The following ZSCAN29 variants were observed in gnomAD, a reference collection of about 807,000 sequenced individuals.
The protein encoded by ZSCAN29 is zinc finger and SCAN domain containing 29, also known as zinc finger and SCAN domain-containing protein 29.
Under a neutral mutation model 71.9 loss-of-function variants are expected in ZSCAN29, and 55 were observed. The ratio of observed to expected loss-of-function variants is 0.76; its 90% CI spans 0.62 to 0.96. ZSCAN29 has a LOEUF of 0.96. ZSCAN29 is among the 40% of genes least tolerant of loss of function. The probability of loss-of-function intolerance (pLI) is 0.00; values close to 1 mark genes in which losing one functional copy is unlikely to be tolerated. For synonymous variants in ZSCAN29, 351 were observed against 371.6 expected, an observed-to-expected ratio of 0.94 and a Z score of 0.64; for missense variants, 1,042 against 1,042.2, an observed-to-expected ratio of 1.00 and a Z score of 0.00.
Position 43,359,336 on chromosome 15 carries a change from G to A in ZSCAN29, c.*1737C>T, listed in dbSNP as rs950623236. 6.6e-6 allele frequency: 1 copy of A among 152,234 alleles called. No individual in the cohort carries two copies. The highest frequency in any genetic ancestry group is 1.5e-5 in the Non-Finnish European group (1 of 68,046). 9.4% of individuals were successfully genotyped at this position (152,234 alleles called of 1,614,324 possible). ...CTGCTTTAGATTGTAAGGACAAGGA[G>A]AGGACCTGTTGACCTTGTGCTATAC... On this transcript the variant is annotated 3_prime_UTR_variant, in exon 6 of 6. Transcript: ENST00000684362.
chr15:43,366,058 C>A, intron 4 of ZSCAN29, 52 bp downstream of exon 4: 1 of 1,530,920 alleles, frequency 6.5e-7, no homozygotes, highest in Non-Finnish European at 8.8e-7. Flanking sequence ...CACATCCAGT[C>A]TCTTTGTTCC....
chr15:43,362,668 G>C (rs1026634699), intron 5 of ZSCAN29, among the ~76,000 whole-genome samples: 2 of 152,140 alleles, frequency 1.3e-5, no homozygotes, highest in African/African-American at 4.8e-5. Context: ...CTACCCAGAA[G>C]CCTAGTCTTA....
In ZSCAN29 at chr15:43,358,361, C is replaced by T. The variant is rs1444108771; in HGVS notation, c.*2712G>A. 6.9e-6 allele frequency: 1 copy of T among 145,752 alleles called. No homozygotes were observed. Among genetic ancestry groups the T allele is most frequent in the East Asian group, 2.0e-4 (1 of 5,042 alleles). The allele number at this position is 145,752 out of a possible 1,614,324, so 9.0% of individuals were successfully genotyped here. A position where few individuals can be genotyped will look rare whatever the true frequency, so the allele number is the denominator to read the frequency against. On this transcript the variant is annotated 3_prime_UTR_variant, in exon 6 of 6. Transcript: ENST00000684362. ...ATACATAGATATACTAAAGACAATA[C>T]TTTTTTTTTTTTTTGACATTACAGC...
At chr15:43,366,876 A>G in intron 3 of ZSCAN29, 68 bp from the exon 4 acceptor site, 1 of 1,418,336 alleles carries the variant, frequency 7.1e-7, no homozygotes, top group Non-Finnish European at 9.6e-7. Flanking sequence ...CTTGAAATTC[A>G]GTCCTGCCTT....
In ZSCAN29 at chr15:43,358,463, A is replaced by C. The variant is rs545791945; in HGVS notation, c.*2610T>G. On this transcript the variant is annotated 3_prime_UTR_variant, in exon 6 of 6. Coordinates refer to ENST00000684362, the MANE Select transcript of ZSCAN29 (RefSeq NM_001372080.1). ...CTTGTAGCTTCCTGTCTGCTTAGGCAACATAACAGAAGTACCATCTTCCCT... is the reference window on the plus strand; with the variant it reads ...CTTGTAGCTTCCTGTCTGCTTAGGCCACATAACAGAAGTACCATCTTCCCT... 53 of 152,282 alleles carry C rather than the reference A, an allele frequency of 3.5e-4. No individual in the cohort carries two copies. Among genetic ancestry groups the C allele is most frequent in the African/African-American group, 1.2e-3 (48 of 41,552 alleles). The allele number at this position is 152,282 out of a possible 1,614,324, so 9.4% of individuals were successfully genotyped here.
intron 5 of ZSCAN29, chr15:43,363,686 A>C: frequency 8.9e-6 from 4 of 449,854 alleles, no homozygotes; most frequent in Non-Finnish European, 1.2e-5. Context: ...ATCACAGCAA[A>C]TTTACAATGT....
At position 43,364,351 on chromosome 15, in the gene ZSCAN29, A is replaced by G; in HGVS notation, c.1254T>C (p.Thr418=). Residue 418 remains threonine (T), a synonymous_variant, in exon 5 of 6, where the codon ACT becomes ACC. Coordinates refer to ENST00000684362, the MANE Select transcript of ZSCAN29 (RefSeq NM_001372080.1). ...GVHWGYEETK[T]YLAILSETQF... ...GGGTCTCACTAAGAATTGCAAGGTA[A>G]GTCTTGGTCTCTTCATAGCCCCAGT... The G allele has an allele frequency of 6.2e-7, 1 of 1,614,126 alleles. No homozygotes were observed. Among genetic ancestry groups the G allele is most frequent in the Non-Finnish European group, 8.5e-7 (1 of 1,180,030 alleles).
At chr15:43,365,886 CTG>C (rs547997901) in intron 4 of ZSCAN29, among the ~76,000 whole-genome samples, 17 of 152,296 alleles carry the variant, frequency 1.1e-4, no homozygotes, top group Admixed American at 2.0e-4. Context: ...CTTCTCAGGA[CTG>C]TGAATTTTCT....
At position 43,363,977 on chromosome 15, in the gene ZSCAN29, T is replaced by A; in HGVS notation, c.1628A>T (p.Asp543Val). The A allele has an allele frequency of 6.2e-7, 1 of 1,614,200 alleles. No individual in the cohort carries two copies. Among genetic ancestry groups the A allele is most frequent in the South Asian group, 1.1e-5 (1 of 91,086 alleles). The part of the protein sequence containing the change: ...TEEDSDDDEE[D>V]TEIPPGAVIT... ...GACAGCCCCTGGGGGTATCTCAGTA[T>A]CCTCTTCATCATCATCAGAATCTTC... The change falls in exon 5 of 6, where the codon GAT becomes GTT. Residue 543 changes from aspartate to valine, a missense_variant. Asp to Val is a radical substitution (Grantham distance 152). Transcript: ENST00000684362.
In ZSCAN29 at chr15:43,361,797, C is replaced by T. The variant is rs780048155; in HGVS notation, c.1835G>A (p.Arg612Lys). 6.2e-7 allele frequency: 1 copy of T among 1,614,236 alleles called. No individual in the cohort carries two copies. ...HQGKGNESDC[R>K]SGRQWAKTSG... ...GGTCTTTGCCCACTGTCTTCCTGATCTACAGTCACTCTCATTGCCTTTACC... is the reference window on the plus strand; with the variant it reads ...GGTCTTTGCCCACTGTCTTCCTGATTTACAGTCACTCTCATTGCCTTTACC... Residue 612 changes from arginine (R) to lysine (K), a missense_variant, in exon 6 of 6, where the codon AGA becomes AAA. Physicochemically the swap from Arg to Lys is conservative, Grantham distance 26. Coordinates refer to ENST00000684362, the MANE Select transcript of ZSCAN29 (RefSeq NM_001372080.1).
intron 2 of ZSCAN29, 131 bp downstream of exon 2, chr15:43,369,465 T>G: frequency 9.8e-7 from 1 of 1,017,924 alleles, no homozygotes; most frequent in Non-Finnish European, 1.4e-6. Flanking sequence ...TCTGAAAAAG[T>G]TACCTATACC....
rs2044104566 is a variant in ZSCAN29 at position 43,370,985 on chromosome 15, C to CGGCCCCGGCCCCGGCCCT, written c.-541_-540insAGGGCCGGGGCCGGGGCC. The CGGCCCCGGCCCCGGCCCT allele has an allele frequency of 3.2e-6, 1 of 316,686 alleles. No homozygotes were observed. The highest frequency in any genetic ancestry group is 7.9e-5 in the East Asian group (1 of 12,714). The allele number at this position is 316,686 out of a possible 1,614,324, so 19.6% of individuals were successfully genotyped here. A position where few individuals can be genotyped will look rare whatever the true frequency, so the allele number is the denominator to read the frequency against. On this transcript the variant is annotated 5_prime_UTR_variant, in exon 1 of 6. Transcript: ENST00000684362. Reference sequence around the variant, plus strand: ...CGGGGTCCGACCCTGACCCCGGCCCCGGCCCCGGCCCCGGCCCCGGCTCTC... The same window carrying CGGCCCCGGCCCCGGCCCT: ...CGGGGTCCGACCCTGACCCCGGCCCCGGCCCCGGCCCCGGCCCTGGCCCCGGCCCCGGCCCCGGCTCTC...
Position 43,361,514 on chromosome 15 carries a change from A to G in ZSCAN29, c.2118T>C (p.Tyr706=), listed in dbSNP as rs147113942. Residue 706 remains tyrosine (Y), a synonymous_variant, in exon 6 of 6, where the codon TAT becomes TAC. Coordinates refer to ENST00000684362, the MANE Select transcript of ZSCAN29 (RefSeq NM_001372080.1). ...AACTTTTTCCACAGTCAAGACATTT[A>G]TAAGGTTTCTCTCCAGTGTGGATTC... ...HRRIHTGEKP[Y]KCLDCGKSFR... is the part of the protein sequence containing the mutation. The G allele has an allele frequency of 5.1e-5, 83 of 1,614,218 alleles. No individual in the cohort carries two copies. The African/African-American group carries it at 1.1e-3, about 20-fold the overall frequency.
At position 43,361,902 on chromosome 15, in the gene ZSCAN29, C is replaced by T. The variant is rs888510264; in HGVS notation, c.1730G>A (p.Arg577Gln). ...AGFENEDNSK[R>Q]DISEEVQLHR... ...CAGTTGTACTTCCTCAGAAATATCC[C>T]GTTTTGAATTATCTTCATTCTCAAA... The change falls in exon 6 of 6, where the codon CGG becomes CAG. Residue 577 changes from arginine (R) to glutamine (Q), a missense_variant. Transcript: ENST00000684362. The T allele has an allele frequency of 2.2e-5, 36 of 1,612,956 alleles. No individual in the cohort carries two copies. In the East Asian group the frequency reaches 5.1e-4, roughly 23 times the overall value.
chr15:43,369,637 C>G lies in ZSCAN29; in HGVS notation c.277G>C (p.Val93Leu). The G allele has an allele frequency of 6.2e-7, 1 of 1,614,044 alleles. No individual in the cohort carries two copies. The highest frequency in any genetic ancestry group is 8.5e-7 in the Non-Finnish European group (1 of 1,179,940). Reference protein sequence around the residue: ...PENGEEAVTLVEDLEREPGRP... With the variant: ...PENGEEAVTLLEDLEREPGRP... ...CCAGGCTCTCTTTCTAAATCTTCCACGAGAGTCACTGCCTCCTCTCCATTT... is the reference window on the plus strand; with the variant it reads ...CCAGGCTCTCTTTCTAAATCTTCCAGGAGAGTCACTGCCTCCTCTCCATTT... Residue 93 changes from valine to leucine, a missense_variant, in exon 2 of 6, where the codon GTG (valine) becomes CTG (leucine). Transcript: ENST00000684362.
Position 43,364,057 on chromosome 15 carries a change from C to T in ZSCAN29, c.1548G>A (p.Gly516=). Residue 516 remains glycine (G), a synonymous_variant, in exon 5 of 6, where the codon GGG becomes GGA. Coordinates refer to ENST00000684362, the MANE Select transcript of ZSCAN29 (RefSeq NM_001372080.1). ...QEETASCPVQ[G]TSEAEAQKQA... ...GCTTCTGAGCTTCAGCCTCACTGGT[C>T]CCCTGGACGGGGCAAGAAGCAGTCT... 1 of 1,614,166 alleles carries T rather than the reference C, an allele frequency of 6.2e-7. No homozygotes were observed. Among genetic ancestry groups the T allele is most frequent in the Non-Finnish European group, 8.5e-7 (1 of 1,180,040 alleles).
At position 43,359,219 on chromosome 15, in the gene ZSCAN29, C is replaced by T. The variant is rs142108505; in HGVS notation, c.*1854G>A. On this transcript the variant is annotated 3_prime_UTR_variant, in exon 6 of 6. Transcript: ENST00000684362. ...AGCAAACTAATGCATTGGACCACAACATTTATGCATAGTGTTGCTACCTAG... is the reference window on the plus strand; with the variant it reads ...AGCAAACTAATGCATTGGACCACAATATTTATGCATAGTGTTGCTACCTAG... The T allele has an allele frequency of 1.3e-5, 2 of 152,322 alleles. No individual in the cohort carries two copies. The highest frequency in any genetic ancestry group is 4.8e-5 in the African/African-American group (2 of 41,568). 9.4% of individuals were successfully genotyped at this position (152,322 alleles called of 1,614,324 possible). A position where few individuals can be genotyped will look rare whatever the true frequency, so the allele number is the denominator to read the frequency against.
At chr15:43,365,135 C>T (rs546967407) in intron 4 of ZSCAN29, among the ~76,000 whole-genome samples, 1 of 152,208 alleles carries the variant, frequency 6.6e-6, no homozygotes, top group East Asian at 1.9e-4. Context: ...GACCACTGCT[C>T]ACAAAGGAAC....
intron 5 of ZSCAN29, among the ~76,000 whole-genome samples, chr15:43,362,543 T>C (rs936233570): frequency 7.9e-5 from 12 of 152,182 alleles, no homozygotes; most frequent in African/African-American, 2.9e-4. Flanking sequence ...CTATGCAAAT[T>C]TGCATTTATT....
Sources: allele counts gnomAD v4.1 joint callset (sites outside exome capture counted in the v4.1 genomes callset), GRCh38; gene constraint gnomAD v4.1.1; transcripts MANE v1.5; gene names NCBI Gene and HGNC (gene_info 2026-07-23, HGNC 2026-07-21).